The following MAP2 variants were observed in gnomAD, a reference collection of about 807,000 sequenced individuals.
The protein encoded by MAP2 is microtubule associated protein 2, also known as microtubule-associated protein 2.
MAP2 carries 14 observed loss-of-function variants against 137.6 expected under a neutral mutation model. The observed-to-expected ratio is 0.10, with a 90% CI of 0.07 to 0.16. The LOEUF (loss-of-function observed/expected upper bound fraction) is 0.16, where lower values mean the gene tolerates loss of function less well. MAP2 is among the 10% of genes least tolerant of loss of function. The probability of loss-of-function intolerance (pLI) is 1.00; values close to 1 mark genes in which losing one functional copy is unlikely to be tolerated. For synonymous variants in MAP2, 786 were observed against 782.3 expected (o/e 1.00, Z -0.08); for missense variants, 2,088 against 2,191.5 (o/e 0.95, Z 0.94).
At chr2:209,681,089 G>A (rs900029649) in intron 7 of MAP2, among the ~76,000 whole-genome samples, 32 of 152,172 alleles carry the variant, frequency 2.1e-4, no homozygotes, top group African/African-American at 7.5e-4. Flanking sequence ...TAAAATAACT[G>A]TAGAGACCCC....
At chr2:209,698,239 T>A (rs1359705143) in intron 10 of MAP2, among the ~76,000 whole-genome samples, 2 of 152,178 alleles carry the variant, frequency 1.3e-5, no homozygotes, top group African/African-American at 4.8e-5. Flanking sequence ...TTGGAAACCA[T>A]CATAAAAACC....
intron 3 of MAP2, among the ~76,000 whole-genome samples, chr2:209,615,602 T>C (rs1215882150): frequency 2.0e-5 from 3 of 152,202 alleles, no homozygotes; most frequent in Non-Finnish European, 4.4e-5. Context: ...AATGACTCTA[T>C]AGGGGAAGTC....
intron 1 of MAP2, among the ~76,000 whole-genome samples, chr2:209,460,263 A>G (rs1470441786): frequency 3.9e-5 from 6 of 152,244 alleles, no homozygotes; most frequent in Non-Finnish European, 8.8e-5. Flanking sequence ...ATCGTAATGT[A>G]TGAAGATTAC....
chr2:209,460,180 G>A (rs552289381), intron 1 of MAP2, among the ~76,000 whole-genome samples: 1 of 152,282 alleles, frequency 6.6e-6, no homozygotes, highest in Admixed American at 6.5e-5. Flanking sequence ...TGTGTGCATA[G>A]TTTCCTCAAT....
chr2:209,553,984 A>C (rs1474879796), intron 2 of MAP2, among the ~76,000 whole-genome samples: 1 of 152,164 alleles, frequency 6.6e-6, no homozygotes, highest in Non-Finnish European at 1.5e-5. Flanking sequence ...AAAGAAGCTC[A>C]CAACTGACTC....
intron 13 of MAP2, among the ~76,000 whole-genome samples, chr2:209,713,251 G>A (rs2066141676): frequency 6.6e-6 from 1 of 152,116 alleles, no homozygotes; most frequent in Non-Finnish European, 1.5e-5. Flanking sequence ...AAAGATATAT[G>A]CATCTTAGGA....
intron 4 of MAP2, among the ~76,000 whole-genome samples, chr2:209,627,750 G>A (rs2092540878): frequency 6.6e-6 from 1 of 152,146 alleles, no homozygotes. Context: ...TACCTAAAAT[G>A]AGAAACAGTC....
intron 4 of MAP2, among the ~76,000 whole-genome samples, chr2:209,648,804 G>A (rs7557645): frequency 0.2 from 27,927 of 142,002 alleles, 4,843 homozygotes; most frequent in African/African-American, 0.46. Context: ...AAAAAAAAAA[G>A]AAAGAAAGAA....
At chr2:209,727,624 A>G (rs1456307775) in intron 14 of MAP2, among the ~76,000 whole-genome samples, 1 of 152,236 alleles carries the variant, frequency 6.6e-6, no homozygotes, top group African/African-American at 2.4e-5. Context: ...TCACAAAGTT[A>G]CTTTGGAATG....
At chr2:209,503,247 C>G (rs1447324157) in intron 1 of MAP2, among the ~76,000 whole-genome samples, 1 of 152,130 alleles carries the variant, frequency 6.6e-6, no homozygotes, top group Non-Finnish European at 1.5e-5. Flanking sequence ...GCACTCCACC[C>G]TCCTTGGCCT....
rs1017542482 is a variant in MAP2 at position 209,484,162 on chromosome 2, G to T, written c.-221-23430G>T. ...AAATGCATTTGCATTTGAAAAAAAT[G>T]ATTTTTAACTTGTGAGGGCCATTTG... On this transcript the variant is annotated intron_variant, in intron 1 of 15. Coordinates refer to ENST00000682079, the MANE Select transcript of MAP2 (RefSeq NM_001375505.1). 5.3e-5 allele frequency among the ~76,000 whole-genome samples: 8 copies of T among 152,110 alleles called. No individual in the cohort carries two copies. In the South Asian group the frequency reaches 1.0e-3, roughly 20 times the overall value.
At chr2:209,546,458 G>T (rs1354200274) in intron 2 of MAP2, among the ~76,000 whole-genome samples, 2 of 152,182 alleles carry the variant, frequency 1.3e-5, no homozygotes, top group African/African-American at 4.8e-5. Context: ...AATGTCTGTG[G>T]AGTCAGTGTC....
At chr2:209,720,876 T>C (rs1171268565) in intron 13 of MAP2, among the ~76,000 whole-genome samples, 1 of 152,020 alleles carries the variant, frequency 6.6e-6, no homozygotes, top group Non-Finnish European at 1.5e-5. Flanking sequence ...TGAAAATCCC[T>C]TCCCAAAGAA....
intron 2 of MAP2, among the ~76,000 whole-genome samples, chr2:209,535,485 G>A (rs371613299): frequency 4.0e-5 from 6 of 151,160 alleles, no homozygotes; most frequent in South Asian, 2.1e-4. Flanking sequence ...GCATCTTTTC[G>A]TCTCTCATAA....
chr2:209,671,585 T>C (rs1303164897), intron 5 of MAP2, among the ~76,000 whole-genome samples: 2 of 151,944 alleles, frequency 1.3e-5, no homozygotes, highest in African/African-American at 4.8e-5. Flanking sequence ...TGTTTTGTTT[T>C]CCTTCTTCCA....
At chr2:209,533,111 A>G (rs2065387350) in intron 2 of MAP2, among the ~76,000 whole-genome samples, 1 of 151,982 alleles carries the variant, frequency 6.6e-6, no homozygotes, top group Non-Finnish European at 1.5e-5. Context: ...TTCCCAAGCC[A>G]AGGTATGTTT....
intron 2 of MAP2, among the ~76,000 whole-genome samples, chr2:209,508,877 A>G (rs969305082): frequency 1.3e-5 from 2 of 151,842 alleles, no homozygotes; most frequent in African/African-American, 2.4e-5. Flanking sequence ...TGCTATGGAG[A>G]TTTGTGAACA....
intron 1 of MAP2, among the ~76,000 whole-genome samples, chr2:209,444,416 A>C (rs1357023617): frequency 1.3e-5 from 2 of 151,614 alleles, no homozygotes; most frequent in Non-Finnish European, 3.0e-5. Flanking sequence ...TGTAATTAAA[A>C]GTCTTGTATG....
chr2:209,700,415 A>G, intron 11 of MAP2, 77 bp downstream of exon 11: 1 of 1,177,538 alleles, frequency 8.5e-7, no homozygotes, highest in Non-Finnish European at 1.2e-6. Context: ...ATAACTTTTG[A>G]TATTGTTTAG....
Sources: gnomAD v4.1 joint callset for allele counts (sites outside exome capture counted in the v4.1 genomes callset) on GRCh38, gnomAD v4.1.1 for gene constraint, MANE v1.5 for transcripts, NCBI Gene and HGNC (gene_info 2026-07-23, HGNC 2026-07-21) for gene names.